Variants in LRRC7 observed in about 807,000 individuals in gnomAD.
LRRC7 encodes the protein leucine rich repeat containing 7, also known as leucine-rich repeat-containing protein 7.
A neutral mutation model predicts 175.7 loss-of-function variants in LRRC7; 23 were observed. The observed-to-expected ratio is 0.13, with a 90% CI of 0.09 to 0.19. The LOEUF (loss-of-function observed/expected upper bound fraction) is 0.19, where lower values mean the gene tolerates loss of function less well. Ranked by LOEUF, LRRC7 falls within the 10% of genes least tolerant of loss-of-function variation. LRRC7 has a pLI of 1.00. For synonymous variants in LRRC7, 685 were observed against 680.9 expected (o/e 1.01, Z -0.09); for missense variants, 1,354 against 1,904.7 (o/e 0.71, Z 5.38).
intron 11 of LRRC7, among the ~76,000 whole-genome samples, chr1:70,004,178 GT>G (rs2101934880): frequency 6.6e-6 from 1 of 152,172 alleles, no homozygotes; most frequent in East Asian, 1.9e-4. Flanking sequence ...TAATGAATGC[GT>G]TTTCGTCATA....
At chr1:69,802,448 ATTCCT>A (rs1676630851) in intron 4 of LRRC7, among the ~76,000 whole-genome samples, 1 of 151,346 alleles carries the variant, frequency 6.6e-6, no homozygotes, top group Non-Finnish European at 1.5e-5. Context: ...TCTATAATTG[ATTCCT>A]TTATTATATA....
intron 26 of LRRC7, among the ~76,000 whole-genome samples, chr1:70,116,395 A>C (rs56113362): frequency 0.13 from 19,272 of 151,966 alleles, 1,659 homozygotes; most frequent in African/African-American, 0.24. Context: ...AAAATACAGA[A>C]AATTAGCCAG....
At chr1:69,849,638 A>G (rs1252344348) in intron 7 of LRRC7, among the ~76,000 whole-genome samples, 1 of 152,036 alleles carries the variant, frequency 6.6e-6, no homozygotes, top group Non-Finnish European at 1.5e-5. Flanking sequence ...AGAATATAAA[A>G]TGAAAAATCT....
chr1:70,072,866 C>T (rs1397054752), intron 23 of LRRC7, among the ~76,000 whole-genome samples: 3 of 152,100 alleles, frequency 2.0e-5, no homozygotes, highest in Admixed American at 2.0e-4. Flanking sequence ...ATAATATATC[C>T]CCTCTCAACA....
rs1244787 is a variant in LRRC7 at position 69,981,561 on chromosome 1, G to A, written c.786+1108G>A. 2.3e-3 allele frequency among the ~76,000 whole-genome samples: 357 copies of A among 152,256 alleles called. 2 individuals are homozygous for A. Among genetic ancestry groups the A allele is most frequent in the African/African-American group, 8.2e-3 (339 of 41,556 alleles). On this transcript the variant is annotated intron_variant, in intron 9 of 26. Coordinates refer to ENST00000651989, the MANE Select transcript of LRRC7 (RefSeq NM_001370785.2). ...TGAATCAGAAACTATGCTAATGTCA[G>A]GGTTACAAAGATAATACATTCAATG...
chr1:69,923,988 A>G (rs1368994112), intron 7 of LRRC7, among the ~76,000 whole-genome samples: 1 of 152,010 alleles, frequency 6.6e-6, no homozygotes, highest in Non-Finnish European at 1.5e-5. Context: ...TATAAGGTGT[A>G]AGGAAGGGAT....
At chr1:69,641,283 A>G (rs541341656) in intron 1 of LRRC7, among the ~76,000 whole-genome samples, 11 of 151,800 alleles carry the variant, frequency 7.2e-5, no homozygotes, top group African/African-American at 2.6e-4. Flanking sequence ...AGAAACCTAG[A>G]CAAACTGAAA....
intron 2 of LRRC7, among the ~76,000 whole-genome samples, chr1:69,698,724 A>C (rs1371806348): frequency 6.6e-6 from 1 of 152,200 alleles, no homozygotes; most frequent in Non-Finnish European, 1.5e-5. Context: ...CTGTGCATTG[A>C]AAGGGGGATA....
At chr1:70,070,178 A>G (rs1431019110) in intron 23 of LRRC7, among the ~76,000 whole-genome samples, 5 of 151,854 alleles carry the variant, frequency 3.3e-5, no homozygotes, top group African/African-American at 9.7e-5. Context: ...TATTTCTTAA[A>G]AAGACAGCGT....
chr1:69,570,618 G>C (rs1432394761), intron 1 of LRRC7, among the ~76,000 whole-genome samples: 1 of 152,112 alleles, frequency 6.6e-6, no homozygotes, highest in Non-Finnish European at 1.5e-5. Flanking sequence ...AGGCTTCCTT[G>C]AATTGGCTTC....
At chr1:69,602,262 T>G (rs1647105433) in intron 1 of LRRC7, among the ~76,000 whole-genome samples, 1 of 152,140 alleles carries the variant, frequency 6.6e-6, no homozygotes, top group African/African-American at 2.4e-5. Context: ...TTTTTTACAC[T>G]TCCATAGTCA....
intron 2 of LRRC7, among the ~76,000 whole-genome samples, chr1:69,716,925 A>G (rs1434748456): frequency 2.0e-5 from 3 of 151,872 alleles, no homozygotes; most frequent in Non-Finnish European, 4.4e-5. Flanking sequence ...CCACAAATGT[A>G]TCTCGAAAAT....
At chr1:69,784,579 C>T (rs1674184970) in intron 3 of LRRC7, among the ~76,000 whole-genome samples, 1 of 152,126 alleles carries the variant, frequency 6.6e-6, no homozygotes, top group African/African-American at 2.4e-5. Context: ...GGGCTCCTTT[C>T]TTAACTGTTG....
At chr1:69,814,743 A>G (rs375119284) in intron 4 of LRRC7, among the ~76,000 whole-genome samples, 2 of 152,232 alleles carry the variant, frequency 1.3e-5, no homozygotes. Context: ...ATTAATATAC[A>G]TGGTGAAGAG....
At position 70,072,765 on chromosome 1, in the gene LRRC7, C is replaced by T. The variant is rs1031467705; in HGVS notation, c.4231-3312C>T. On this transcript the variant is annotated intron_variant, in intron 23 of 26. Coordinates refer to ENST00000651989, the MANE Select transcript of LRRC7 (RefSeq NM_001370785.2). Reference sequence around the variant, plus strand: ...TTTGCTTAACTGTAAAGGTCGAAGTCACATGCACAGCATCTAAAACAGATG... The same window carrying T: ...TTTGCTTAACTGTAAAGGTCGAAGTTACATGCACAGCATCTAAAACAGATG... 3.0e-4 allele frequency among the ~76,000 whole-genome samples: 45 copies of T among 152,224 alleles called. 1 individual carries two copies. The highest frequency in any genetic ancestry group is 8.8e-5 in the Non-Finnish European group (6 of 68,050).
intron 7 of LRRC7, chr1:69,839,043 C>T (rs950760377): frequency 1.6e-5 from 5 of 308,066 alleles, no homozygotes; most frequent in African/African-American, 8.8e-5. Context: ...TATTATCACC[C>T]TTCTGCAGTA....
intron 1 of LRRC7, among the ~76,000 whole-genome samples, chr1:69,673,453 A>G (rs558598801): frequency 4.6e-4 from 70 of 152,310 alleles, no homozygotes; most frequent in African/African-American, 1.6e-3. Context: ...CATTACATTT[A>G]ATCTCTCTTT....
intron 7 of LRRC7, among the ~76,000 whole-genome samples, chr1:69,930,292 T>G (rs937489358): frequency 7.9e-5 from 12 of 152,194 alleles, no homozygotes; most frequent in African/African-American, 2.7e-4. Context: ...GAGTACATAA[T>G]TTTTTTGCAT....
At chr1:69,637,101 C>CCTCCCCCG (rs150799833) in intron 1 of LRRC7, among the ~76,000 whole-genome samples, 3,543 of 115,168 alleles carry the variant, frequency 0.031, 118 homozygotes, top group African/African-American at 0.09. Flanking sequence ...TCTCTCTTCC[C>CCTCCCCCG]CTCCCCCGCT....
Sources: gnomAD v4.1 joint callset for allele counts (sites outside exome capture counted in the v4.1 genomes callset) on GRCh38, gnomAD v4.1.1 for gene constraint, MANE v1.5 for transcripts, NCBI Gene and HGNC (gene_info 2026-07-23, HGNC 2026-07-21) for gene names.